The following ELOF1 variants were observed in gnomAD, a reference collection of about 807,000 sequenced individuals.
ELOF1 encodes elongation factor 1.
In ELOF1, 4 loss-of-function variants were observed where a neutral mutation model predicts 7.1. That is an observed-to-expected ratio of 0.56 (90% CI 0.28 to 1.29). The LOEUF is 1.29. ELOF1 is among the 50% of genes most tolerant of loss of function. The probability of loss-of-function intolerance (pLI) is 0.10; values close to 1 mark genes in which losing one functional copy is unlikely to be tolerated. For synonymous variants in ELOF1, 31 were observed against 31.9 expected, an observed-to-expected ratio of 0.97 and a Z score of 0.09; for missense variants, 59 against 86.3, an observed-to-expected ratio of 0.68 and a Z score of 1.25.
At chr19:11,554,482 T>C in intron 1 of ELOF1, 117 bp from the exon 2 acceptor site, 1 of 1,419,012 alleles carries the variant, frequency 7.0e-7, no homozygotes, top group South Asian at 1.4e-5. Context: ...CCGGGGCCTC[T>C]GCCCTTGAGG....
At chr19:11,553,577 CCCA>C (rs1972767565) in intron 3 of ELOF1, 8 of 734,052 alleles carry the variant, frequency 1.1e-5, no homozygotes, top group African/African-American at 5.4e-5. Context: ...CACACGCACA[CCCA>C]CTACACACAC....
intron 2 of ELOF1, 69 bp downstream of exon 2, chr19:11,554,163 G>C: frequency 1.2e-5 from 19 of 1,614,078 alleles, no homozygotes; most frequent in Non-Finnish European, 1.5e-5. Context: ...GGGAGGCAAG[G>C]GGCAGGATGG....
In ELOF1 at chr19:11,554,378, G is replaced by C; in HGVS notation, c.-18-13C>G. 1 of 1,610,328 alleles carries C rather than the reference G, an allele frequency of 6.2e-7. No individual in the cohort carries two copies. Among genetic ancestry groups the C allele is most frequent in the Non-Finnish European group, 8.5e-7 (1 of 1,177,564 alleles). Reference sequence around the variant, plus strand: ...CAGGTGGATGAGCCTGTGGGGAGTGGCAGATGTCAGTGGTTTGAGGAAACC... The same window carrying C: ...CAGGTGGATGAGCCTGTGGGGAGTGCCAGATGTCAGTGGTTTGAGGAAACC... On this transcript the variant is annotated splice_polypyrimidine_tract_variant and intron_variant, in intron 1 of 3. Transcript: ENST00000586683.
intron 3 of ELOF1, chr19:11,553,621 ACACAC>A: frequency 1.2e-6 from 1 of 865,616 alleles, no homozygotes; most frequent in Non-Finnish European, 1.7e-6. Context: ...ACACACACAC[ACACAC>A]ACACACGGCT....
intron 3 of ELOF1, chr19:11,553,632 CGG>C: frequency 1.1e-6 from 1 of 931,498 alleles, no homozygotes; most frequent in South Asian, 1.5e-5. Flanking sequence ...CACACACACA[CGG>C]CTGTGACAGC....
intron 1 of ELOF1, among the ~76,000 whole-genome samples, chr19:11,557,487 TAGAG>T (rs1186924071): frequency 6.7e-6 from 1 of 148,300 alleles, no homozygotes; most frequent in Non-Finnish European, 1.5e-5. Flanking sequence ...TCCCAGCTAA[TAGAG>T]AGGCTGAGGC....
chr19:11,554,318 C>A (rs769360384), exon 2 of ELOF1: 2 of 1,613,904 alleles, frequency 1.2e-6, no homozygotes, highest in Middle Eastern at 1.6e-4. Context: ...TCTTGGGAGG[C>A]GGCTTTCGTT....
At chr19:11,553,544 CCA>C (rs1446582782) in intron 3 of ELOF1, 4 of 651,936 alleles carry the variant, frequency 6.1e-6, no homozygotes, top group South Asian at 5.4e-5. Context: ...CCACACACAC[CCA>C]CACTCACTCA....
chr19:11,556,187 G>T (rs1972831207), intron 1 of ELOF1, among the ~76,000 whole-genome samples: 1 of 152,172 alleles, frequency 6.6e-6, no homozygotes. Flanking sequence ...ACGACTGCTG[G>T]TTCTAGCATC....
chr19:11,553,614 C>G (rs1184468901), intron 3 of ELOF1: 2 of 803,756 alleles, frequency 2.5e-6, no homozygotes, highest in Admixed American at 2.4e-5. Context: ...CACACACACA[C>G]ACACACACAC....
chr19:11,554,502 C>T (rs1972798880), intron 1 of ELOF1, 137 bp from the exon 2 acceptor site: 1 of 1,279,194 alleles, frequency 7.8e-7, no homozygotes, highest in Non-Finnish European at 1.1e-6. Flanking sequence ...GGACGAGGCC[C>T]TCAGTCCTGA....
At chr19:11,554,621 G>A in intron 1 of ELOF1, 1 of 509,628 alleles carries the variant, frequency 2.0e-6, no homozygotes, top group Non-Finnish European at 3.4e-6. Context: ...TAAGCTCTTT[G>A]TGCCACAGTT....
intron 3 of ELOF1, chr19:11,553,477 C>G: frequency 3.4e-6 from 2 of 587,382 alleles, no homozygotes; most frequent in East Asian, 2.8e-5. Context: ...CCCAGGAACC[C>G]GACACCACCG....
At chr19:11,554,064 G>GTGT in exon 3 of ELOF1, 1 of 1,614,210 alleles carries the variant, frequency 6.2e-7, no homozygotes, top group Non-Finnish European at 8.5e-7. Flanking sequence ...GATGACTCCG[G>GTGT]TGTTGCGGGC....
chr19:11,554,080 C>G, exon 3 of ELOF1: 1 of 1,614,198 alleles, frequency 6.2e-7, no homozygotes, highest in Non-Finnish European at 8.5e-7. Flanking sequence ...CGGGCACGGT[C>G]CCTGAAACAG....
At chr19:11,555,868 A>G (rs10421961) in intron 1 of ELOF1, 6,363 of 153,130 alleles carry the variant, frequency 0.042, 134 homozygotes, top group South Asian at 0.072. Flanking sequence ...ACATGGCGGC[A>G]GAGTGAGTGA....
chr19:11,554,532 G>T, intron 1 of ELOF1, 167 bp from the exon 2 acceptor site: 1 of 969,384 alleles, frequency 1.0e-6, no homozygotes, highest in Non-Finnish European at 1.5e-6. Flanking sequence ...ACAATTCCCT[G>T]TCCCACTCTG....
chr19:11,553,055 G>A (rs1229434842), exon 4 of ELOF1: 3 of 399,446 alleles, frequency 7.5e-6, no homozygotes, highest in Non-Finnish European at 1.3e-5. Flanking sequence ...ATGTGCGCTG[G>A]CTGCTTTATT....
exon 2 of ELOF1, chr19:11,554,239 C>T: frequency 6.2e-7 from 1 of 1,613,322 alleles, no homozygotes; most frequent in South Asian, 1.1e-5. Flanking sequence ...CACATTTTCA[C>T]ATCACAGGAT....
Sources: gnomAD v4.1 joint callset for allele counts (sites outside exome capture counted in the v4.1 genomes callset) on GRCh38, gnomAD v4.1.1 for gene constraint, MANE v1.5 for transcripts, NCBI Gene and HGNC (gene_info 2026-07-23, HGNC 2026-07-21) for gene names.